The following CDH6 variants were observed in gnomAD, a reference collection of about 807,000 sequenced individuals.
The protein encoded by CDH6 is cadherin 6, also known as cadherin-6.
Under a neutral mutation model 78.0 loss-of-function variants are expected in CDH6, and 31 were observed. That is an observed-to-expected ratio of 0.40 (90% confidence interval 0.30 to 0.54). CDH6 has a LOEUF of 0.54. CDH6 is among the 20% of genes least tolerant of loss of function. CDH6 has a pLI of 0.56. For missense variants in CDH6, 724 were observed against 975.9 expected (o/e 0.74, Z 3.44); for synonymous variants, 376 against 368.8 (o/e 1.02, Z -0.23).
chr5:31,237,703 C>T (rs1043866301), intron 1 of CDH6, among the ~76,000 whole-genome samples: 5 of 152,328 alleles, frequency 3.3e-5, no homozygotes, highest in African/African-American at 1.2e-4. Flanking sequence ...GTGTGATACA[C>T]ATGTCACATC....
At chr5:31,309,571 T>G (rs1052638521) in intron 7 of CDH6, among the ~76,000 whole-genome samples, 7 of 152,164 alleles carry the variant, frequency 4.6e-5, no homozygotes, top group African/African-American at 1.4e-4. Context: ...GGCCTTAACA[T>G]ATCAACTTTC....
chr5:31,314,564 C>T (rs1054733632), intron 8 of CDH6, among the ~76,000 whole-genome samples: 8 of 151,734 alleles, frequency 5.3e-5, no homozygotes, highest in Non-Finnish European at 5.9e-5. Flanking sequence ...TGAAGCATTG[C>T]TTTTAGATAG....
At chr5:31,285,781 A>G (rs1351606964) in intron 2 of CDH6, among the ~76,000 whole-genome samples, 4 of 152,194 alleles carry the variant, frequency 2.6e-5, no homozygotes, top group South Asian at 2.1e-4. Flanking sequence ...AATGAATTCA[A>G]TGTACTTACA....
intron 1 of CDH6, among the ~76,000 whole-genome samples, chr5:31,220,373 C>T (rs1740973685): frequency 6.6e-6 from 1 of 152,298 alleles, no homozygotes; most frequent in East Asian, 1.9e-4. Context: ...TTCATAAGCA[C>T]ATTATACTGC....
At chr5:31,199,715 ATCTC>A (rs1361324101) in intron 1 of CDH6, among the ~76,000 whole-genome samples, 6 of 121,974 alleles carry the variant, frequency 4.9e-5, no homozygotes, top group South Asian at 2.6e-4. Flanking sequence ...ATATATATAT[ATCTC>A]AAAGATAAAA....
chr5:31,266,730 C>A (rs1403990117), intron 1 of CDH6, among the ~76,000 whole-genome samples: 3 of 151,990 alleles, frequency 2.0e-5, no homozygotes, highest in African/African-American at 7.2e-5. Flanking sequence ...ACTTTAAAAA[C>A]TTTATTTCAG....
At chr5:31,284,407 T>C (rs1189546997) in intron 2 of CDH6, among the ~76,000 whole-genome samples, 1 of 152,208 alleles carries the variant, frequency 6.6e-6, no homozygotes, top group Non-Finnish European at 1.5e-5. Context: ...CTGAGACACA[T>C]GAATCTGAAT....
intron 1 of CDH6, among the ~76,000 whole-genome samples, chr5:31,199,467 CACACACAT>C (rs1740269140): frequency 1.6e-5 from 1 of 63,634 alleles, no homozygotes; most frequent in Non-Finnish European, 3.3e-5. Context: ...TGTATATATA[CACACACAT>C]ATGTGTATAT....
Position 31,324,682 on chromosome 5 carries a change from C to CAGAA in CDH6, c.*1376_*1379dup, listed in dbSNP as rs1738577911. On this transcript the variant is annotated 3_prime_UTR_variant, in exon 12 of 12. Transcript: ENST00000265071. ...ATAAAGTAATGATCTCAAACTATGA[C>CAGAA]AGAAAAGTAATGTAAAATCCATCCA... 4.8e-6 allele frequency: 1 copy of CAGAA among 210,380 alleles called. No homozygotes were observed. The highest frequency in any genetic ancestry group is 9.6e-6 in the Non-Finnish European group (1 of 103,758). 13.0% of individuals were successfully genotyped at this position (210,380 alleles called of 1,614,324 possible).
At chr5:31,201,394 C>T (rs1740344986) in intron 1 of CDH6, among the ~76,000 whole-genome samples, 3 of 151,954 alleles carry the variant, frequency 2.0e-5, no homozygotes, top group Admixed American at 2.0e-4. Flanking sequence ...CCCCAGGAGA[C>T]CCAAAGTTGT....
At chr5:31,266,081 A>G (rs1480360037) in intron 1 of CDH6, among the ~76,000 whole-genome samples, 3 of 152,074 alleles carry the variant, frequency 2.0e-5, no homozygotes, top group Non-Finnish European at 4.4e-5. Flanking sequence ...CTGGCAAGAC[A>G]ATGTTTTTTC....
At chr5:31,321,828 A>C (rs185816022) in intron 11 of CDH6, among the ~76,000 whole-genome samples, 2 of 152,320 alleles carry the variant, frequency 1.3e-5, no homozygotes, top group East Asian at 1.9e-4. Context: ...GCACAAACCC[A>C]GTTTAACAAT....
chr5:31,297,177 C>A, intron 3 of CDH6, 112 bp from the exon 4 acceptor site: 1 of 907,840 alleles, frequency 1.1e-6, no homozygotes, highest in Non-Finnish European at 1.8e-6. Context: ...AAGTTCTCGA[C>A]TTCCTCAGCA....
intron 1 of CDH6, among the ~76,000 whole-genome samples, chr5:31,253,831 T>G (rs1741977755): frequency 6.6e-6 from 1 of 152,158 alleles, no homozygotes; most frequent in South Asian, 2.1e-4. Flanking sequence ...CAGGGTTTTT[T>G]TTTTTTAGAA....
Position 31,327,818 on chromosome 5 carries a change from A to C in CDH6, c.*4510A>C, listed in dbSNP as rs976820912. The C allele has an allele frequency of 4.7e-6, 1 of 213,738 alleles. No homozygotes were observed. Among genetic ancestry groups the C allele is most frequent in the Non-Finnish European group, 9.5e-6 (1 of 105,814 alleles). 13.2% of individuals were successfully genotyped at this position (213,738 alleles called of 1,614,324 possible). ...CCCGACCATATTTAATGTGGAGAGCAATACCCTCTTAGAAAGAAAATACAT... is the reference window on the plus strand; with the variant it reads ...CCCGACCATATTTAATGTGGAGAGCCATACCCTCTTAGAAAGAAAATACAT... On this transcript the variant is annotated 3_prime_UTR_variant, in exon 12 of 12. Transcript: ENST00000265071.
In CDH6 at chr5:31,323,083, T is replaced by C; in HGVS notation, c.2148T>C (p.Ile716=). The change falls in exon 12 of 12, where the codon ATT becomes ATC. Residue 716 remains isoleucine, a synonymous_variant. Coordinates refer to ENST00000265071, the MANE Select transcript of CDH6 (RefSeq NM_004932.4). ...ACAACACCGATGTCAGAGATTTCAT[T>C]AACCAAAGGTTAAAGGAAAATGACA... The part of the protein sequence containing the change: ...ARDNTDVRDF[I]NQRLKENDTD... The C allele has an allele frequency of 6.2e-7, 1 of 1,614,188 alleles. No individual in the cohort carries two copies. Among genetic ancestry groups the C allele is most frequent in the East Asian group, 2.2e-5 (1 of 44,868 alleles).
chr5:31,240,587 C>T (rs1741571242), intron 1 of CDH6, among the ~76,000 whole-genome samples: 1 of 152,210 alleles, frequency 6.6e-6, no homozygotes. Context: ...ATACCTCCCT[C>T]TGCTAGGAAA....
chr5:31,285,468 G>A (rs1252276048), intron 2 of CDH6, among the ~76,000 whole-genome samples: 4 of 152,128 alleles, frequency 2.6e-5, no homozygotes, highest in Non-Finnish European at 5.9e-5. Context: ...ACAGTAAAGT[G>A]TCTAATTTCT....
At chr5:31,300,312 C>T (rs1737730783) in intron 5 of CDH6, among the ~76,000 whole-genome samples, 1 of 152,030 alleles carries the variant, frequency 6.6e-6, no homozygotes, top group Non-Finnish European at 1.5e-5. Flanking sequence ...GAACAAAATC[C>T]CTTTGGGACC....
Sources: gnomAD v4.1 joint callset for allele counts (sites outside exome capture counted in the v4.1 genomes callset) on GRCh38, gnomAD v4.1.1 for gene constraint, MANE v1.5 for transcripts, NCBI Gene and HGNC (gene_info 2026-07-23, HGNC 2026-07-21) for gene names.